VWA8: variants seen among roughly 807,000 people sequenced by gnomAD.
VWA8 encodes the protein von Willebrand factor A domain-containing protein 8.
In VWA8, 221 loss-of-function variants were observed where a neutral mutation model predicts 241.5. The observed-to-expected ratio is 0.91, with a 90% CI of 0.82 to 1.02. VWA8 has a LOEUF of 1.02. Among genes scored for constraint, VWA8 ranks in the 50% least tolerant of loss-of-function variants. VWA8 has a pLI of 0.00. For synonymous variants in VWA8, 852 were observed against 827.1 expected (o/e 1.03, Z -0.52); for missense variants, 2,322 against 2,328.7 (o/e 1.00, Z 0.06).
chr13:41,573,486 A>AATAAATAAATATATATATAT (rs1555303591), intron 43 of VWA8, among the ~76,000 whole-genome samples: 1 of 113,614 alleles, frequency 8.8e-6, no homozygotes, highest in African/African-American at 3.4e-5. Context: ...AAAAAAAAAA[A>AATAAATAAATATATATATAT]ATATATATAT....
chr13:41,593,668 G>A (rs1738095153), intron 40 of VWA8, among the ~76,000 whole-genome samples: 1 of 152,156 alleles, frequency 6.6e-6, no homozygotes. Flanking sequence ...TGCTATTGTG[G>A]ATGACCATTT....
At chr13:41,813,378 T>A (rs1383091303) in intron 16 of VWA8, among the ~76,000 whole-genome samples, 1 of 149,586 alleles carries the variant, frequency 6.7e-6, no homozygotes, top group Non-Finnish European at 1.5e-5. Flanking sequence ...TGACTTGCTA[T>A]GAGAAAGAAA....
chr13:41,923,089 G>A (rs1183575348), intron 2 of VWA8, among the ~76,000 whole-genome samples: 1 of 152,190 alleles, frequency 6.6e-6, no homozygotes, highest in Non-Finnish European at 1.5e-5. Context: ...TATACACCAT[G>A]GAATACTATG....
intron 37 of VWA8, among the ~76,000 whole-genome samples, chr13:41,625,006 A>G (rs564429842): frequency 2.0e-4 from 30 of 152,364 alleles, no homozygotes; most frequent in African/African-American, 7.2e-4. Context: ...AAACATCAGT[A>G]ACATTTCTAT....
At chr13:41,784,579 G>C (rs1183117584) in intron 18 of VWA8, among the ~76,000 whole-genome samples, 1 of 466 alleles carries the variant, frequency 2.1e-3, no homozygotes, top group African/African-American at 0.011. Flanking sequence ...CAGGAGGATT[G>C]CTTGAGCCTG....
At chr13:41,762,750 T>C (rs1242369946) in intron 20 of VWA8, among the ~76,000 whole-genome samples, 1 of 152,094 alleles carries the variant, frequency 6.6e-6, no homozygotes, top group African/African-American at 2.4e-5. Context: ...TTCAAATCAA[T>C]TGAAATGGTA....
chr13:41,589,494 G>A (rs17594446), intron 41 of VWA8, among the ~76,000 whole-genome samples: 4,571 of 152,200 alleles, frequency 0.03, 77 homozygotes, highest in East Asian at 0.072. Context: ...TGGACAATCC[G>A]TGTTGGAGCT....
intron 20 of VWA8, among the ~76,000 whole-genome samples, chr13:41,766,092 G>C (rs1009607129): frequency 6.6e-6 from 1 of 152,146 alleles, no homozygotes; most frequent in Non-Finnish European, 1.5e-5. Flanking sequence ...AGGAGAGGAA[G>C]TAAACATGCT....
intron 9 of VWA8, among the ~76,000 whole-genome samples, chr13:41,868,901 A>T (rs1249565055): frequency 6.6e-6 from 1 of 150,972 alleles, no homozygotes; most frequent in Non-Finnish European, 1.5e-5. Context: ...AAAAAAAAAA[A>T]AAAAAGGAAA....
At chr13:41,706,226 T>C (rs2137832469) in intron 26 of VWA8, among the ~76,000 whole-genome samples, 1 of 152,358 alleles carries the variant, frequency 6.6e-6, no homozygotes, top group Admixed American at 6.5e-5. Flanking sequence ...TGCCAACTCA[T>C]TCTAAGTAAG....
rs762291190 is a variant in VWA8, at chr13:41,819,397, A to G, written c.1701-11T>C. 1.6e-5 allele frequency: 25 copies of G among 1,582,014 alleles called. No homozygotes were observed. The highest frequency in any genetic ancestry group is 2.1e-5 in the Non-Finnish European group (25 of 1,171,396). On this transcript the variant is annotated splice_polypyrimidine_tract_variant and intron_variant, in intron 14 of 44. Coordinates refer to ENST00000379310, the MANE Select transcript of VWA8 (RefSeq NM_015058.2). The stretch of plus-strand genomic sequence containing the variant: ...ATAGGAAAAATGGATCTAAAATAGG[A>G]AAAAAAATGAAAAAAAATAACATAT...
At chr13:41,617,631 C>T (rs2044629874) in intron 37 of VWA8, among the ~76,000 whole-genome samples, 1 of 151,794 alleles carries the variant, frequency 6.6e-6, no homozygotes, top group Non-Finnish European at 1.5e-5. Flanking sequence ...TAATACTATC[C>T]CTCCCCCAGC....
intron 12 of VWA8, among the ~76,000 whole-genome samples, chr13:41,848,623 T>C (rs888489195): frequency 3.3e-5 from 5 of 152,206 alleles, no homozygotes; most frequent in Non-Finnish European, 5.9e-5. Context: ...TGCCTGCTTC[T>C]CCTTTGCCTT....
chr13:41,850,727 G>A (rs1872498586), intron 12 of VWA8, among the ~76,000 whole-genome samples: 1 of 152,120 alleles, frequency 6.6e-6, no homozygotes, highest in African/African-American at 2.4e-5. Flanking sequence ...ATCAAGGCCA[G>A]TCTATAAAGA....
rs143479775 is a variant in VWA8, at chr13:41,930,760, G to A, written c.242-18592C>T. Among the ~76,000 whole-genome samples the A allele has an allele frequency of 3.3e-5, 5 of 152,210 alleles. No individual in the cohort carries two copies. In the East Asian group the frequency reaches 5.8e-4, roughly 18 times the overall value. Reference sequence around the variant, plus strand: ...ATGTTTAGAGTTGGGTCCCATCCCCGCAATGTCGCAAATATTCAAAAATTT... The same window carrying A: ...ATGTTTAGAGTTGGGTCCCATCCCCACAATGTCGCAAATATTCAAAAATTT... On this transcript the variant is annotated intron_variant, in intron 2 of 44. Transcript: ENST00000379310.
intron 40 of VWA8, among the ~76,000 whole-genome samples, chr13:41,595,774 T>C (rs982596241): frequency 6.6e-6 from 1 of 152,160 alleles, no homozygotes; most frequent in African/African-American, 2.4e-5. Context: ...GATTTCAGTT[T>C]GGGGCTATTA....
At chr13:41,766,686 C>T (rs1341707305) in intron 20 of VWA8, among the ~76,000 whole-genome samples, 1 of 152,228 alleles carries the variant, frequency 6.6e-6, no homozygotes, top group Non-Finnish European at 1.5e-5. Flanking sequence ...TTCTCTGAAG[C>T]TTTGCCTATC....
At chr13:41,771,371 C>G (rs1434347079) in intron 20 of VWA8, among the ~76,000 whole-genome samples, 1 of 152,182 alleles carries the variant, frequency 6.6e-6, no homozygotes, top group Non-Finnish European at 1.5e-5. Context: ...GATCCGCCCA[C>G]CTTGGCCTCC....
chr13:41,845,810 A>G (rs76912295), intron 12 of VWA8, among the ~76,000 whole-genome samples: 7,405 of 152,206 alleles, frequency 0.049, 263 homozygotes, highest in Admixed American at 0.096. Flanking sequence ...GATGGGAACA[A>G]TAGACAATGG....
Sources: allele counts gnomAD v4.1 joint callset (sites outside exome capture counted in the v4.1 genomes callset), GRCh38; gene constraint gnomAD v4.1.1; transcripts MANE v1.5; gene names NCBI Gene and HGNC (gene_info 2026-07-23, HGNC 2026-07-21).